The following STXBP5L variants were observed in gnomAD, a reference collection of about 807,000 sequenced individuals.
STXBP5L encodes syntaxin-binding protein 5-like.
STXBP5L carries 65 observed loss-of-function variants against 144.5 expected under a neutral mutation model. That is an observed-to-expected ratio of 0.45 (90% CI 0.37 to 0.55). STXBP5L has a LOEUF of 0.55. STXBP5L is among the 20% of genes least tolerant of loss of function. The pLI, the probability that STXBP5L is intolerant of heterozygous loss-of-function variation, is 0.00. For missense variants in STXBP5L, 1,298 were observed against 1,405.5 expected (o/e 0.92, Z 1.22); for synonymous variants, 505 against 469.6 (o/e 1.08, Z -0.97).
chr3:121,092,350 A>G (rs2042855944), intron 5 of STXBP5L, among the ~76,000 whole-genome samples: 1 of 152,020 alleles, frequency 6.6e-6, no homozygotes, highest in Admixed American at 6.6e-5. Context: ...GAATCTATAA[A>G]TTACCTTGGG....
intron 22 of STXBP5L, among the ~76,000 whole-genome samples, chr3:121,392,674 C>T (rs1207982603): frequency 6.6e-6 from 1 of 151,400 alleles, no homozygotes; most frequent in Non-Finnish European, 1.5e-5. Flanking sequence ...GGGCCCTAGA[C>T]AAACCAAACT....
At chr3:121,006,095 C>G (rs983551237) in intron 3 of STXBP5L, among the ~76,000 whole-genome samples, 4 of 152,084 alleles carry the variant, frequency 2.6e-5, no homozygotes, top group African/African-American at 4.8e-5. Flanking sequence ...GAGTTCAATT[C>G]CTGGGTATCC....
chr3:121,205,013 A>C (rs186404316), intron 9 of STXBP5L, among the ~76,000 whole-genome samples: 1 of 152,338 alleles, frequency 6.6e-6, no homozygotes, highest in African/African-American at 2.4e-5. Flanking sequence ...TTCATTGTCT[A>C]ATGGAAGTTT....
chr3:121,247,162 A>G (rs2049881474), intron 14 of STXBP5L, among the ~76,000 whole-genome samples: 1 of 152,220 alleles, frequency 6.6e-6, no homozygotes, highest in Non-Finnish European at 1.5e-5. Context: ...AGTTGGCTAT[A>G]TACATATGGT....
intron 14 of STXBP5L, among the ~76,000 whole-genome samples, chr3:121,248,801 C>A (rs1466256629): frequency 6.6e-6 from 1 of 152,078 alleles, no homozygotes; most frequent in Admixed American, 6.5e-5. Flanking sequence ...ATCTTTAATC[C>A]ATTTTGAGTT....
chr3:121,207,814 A>G (rs1276433611), intron 10 of STXBP5L, among the ~76,000 whole-genome samples: 1 of 148,996 alleles, frequency 6.7e-6, no homozygotes, highest in African/African-American at 2.5e-5. Flanking sequence ...AATGGCGATC[A>G]TTAAAAAGTC....
intron 20 of STXBP5L, among the ~76,000 whole-genome samples, chr3:121,363,215 A>T (rs1044266209): frequency 6.6e-6 from 1 of 152,082 alleles, no homozygotes; most frequent in Non-Finnish European, 1.5e-5. Flanking sequence ...GGGAGAGGTG[A>T]TACCAGCAGT....
chr3:121,282,166 T>C (rs2051082026), intron 19 of STXBP5L: 3 of 902,252 alleles, frequency 3.3e-6, no homozygotes, highest in African/African-American at 1.7e-5. Flanking sequence ...TCATCTTGGC[T>C]GTTCTAGATT....
At chr3:121,300,723 A>G (rs774318906) in intron 19 of STXBP5L, among the ~76,000 whole-genome samples, 9 of 152,154 alleles carry the variant, frequency 5.9e-5, no homozygotes, top group Non-Finnish European at 1.2e-4. Context: ...GAGTAACAGT[A>G]AACAAACAAA....
At chr3:121,201,223 G>A (rs977434100) in intron 9 of STXBP5L, among the ~76,000 whole-genome samples, 1 of 152,176 alleles carries the variant, frequency 6.6e-6, no homozygotes, top group Non-Finnish European at 1.5e-5. Flanking sequence ...ATATGTTTAG[G>A]ATAGTTAGCA....
intron 3 of STXBP5L, among the ~76,000 whole-genome samples, chr3:120,994,669 T>G (rs1468042611): frequency 6.6e-6 from 1 of 152,132 alleles, no homozygotes. Flanking sequence ...TGATGTGCCG[T>G]TTAATTGGGT....
Position 121,223,144 on chromosome 3 carries a change from G to T in STXBP5L, c.1098G>T (p.Thr366=). The change falls in exon 11 of 27, where the codon ACG becomes ACT. Residue 366 remains threonine (T), a synonymous_variant. Transcript: ENST00000471454. ...TTGAATTTCTAACTTTATGTGAAAC[G>T]CCCTATCCAAATGGTAAGTAACTAA... is the stretch of plus-strand genomic sequence containing the variant. ...PIVEFLTLCE[T]PYPNEFQEPY... 1 of 1,595,072 alleles carries T rather than the reference G, an allele frequency of 6.3e-7. No homozygotes were observed. Among genetic ancestry groups the T allele is most frequent in the Non-Finnish European group, 8.5e-7 (1 of 1,174,690 alleles).
chr3:121,052,933 G>A (rs1216290756), intron 5 of STXBP5L, among the ~76,000 whole-genome samples: 2 of 152,122 alleles, frequency 1.3e-5, no homozygotes, highest in Non-Finnish European at 2.9e-5. Context: ...AAAATCACAA[G>A]CATTCTTATA....
At chr3:121,368,829 T>G (rs2045942353) in intron 20 of STXBP5L, among the ~76,000 whole-genome samples, 1 of 152,138 alleles carries the variant, frequency 6.6e-6, no homozygotes, top group African/African-American at 2.4e-5. Context: ...TTCTTTAATG[T>G]CTGGCTCTCG....
At chr3:121,152,894 G>T (rs2045980036) in intron 8 of STXBP5L, among the ~76,000 whole-genome samples, 1 of 151,966 alleles carries the variant, frequency 6.6e-6, no homozygotes, top group African/African-American at 2.4e-5. Flanking sequence ...TTTCCTTTCT[G>T]TAGGCTCCAT....
chr3:121,191,039 G>C (rs528349964), intron 9 of STXBP5L, among the ~76,000 whole-genome samples: 5 of 150,802 alleles, frequency 3.3e-5, no homozygotes, highest in African/African-American at 4.9e-5. Flanking sequence ...GGGAAGAGGC[G>C]CTCCTCACTT....
At chr3:121,389,703 G>A (rs989171713) in intron 22 of STXBP5L, among the ~76,000 whole-genome samples, 16 of 152,198 alleles carry the variant, frequency 1.1e-4, no homozygotes, top group African/African-American at 3.9e-4. Flanking sequence ...TTTTGAGTGA[G>A]TTTCTTAATC....
chr3:121,379,656 C>T (rs2046278743), intron 21 of STXBP5L, among the ~76,000 whole-genome samples: 1 of 152,022 alleles, frequency 6.6e-6, no homozygotes, highest in Non-Finnish European at 1.5e-5. Flanking sequence ...AAATATTATG[C>T]TATACTAAAT....
rs762281223 is a variant in STXBP5L at position 121,282,319 on chromosome 3, A to G, written c.2110+2363A>G. 4 of 1,611,812 alleles carry G rather than the reference A, an allele frequency of 2.5e-6. No individual in the cohort carries two copies. The South Asian group carries it at 3.3e-5, about 13-fold the overall frequency. On this transcript the variant is annotated intron_variant, in intron 19 of 26. Transcript: ENST00000471454. ...CTTTTATCCTGATTTAACGAAACGG[A>G]TCCGTACTTCCTATCAGAGTAAGTT...
Sources: allele counts gnomAD v4.1 joint callset (sites outside exome capture counted in the v4.1 genomes callset), GRCh38; gene constraint gnomAD v4.1.1; transcripts MANE v1.5; gene names NCBI Gene and HGNC (gene_info 2026-07-23, HGNC 2026-07-21).